CALD1: variants seen among roughly 807,000 people sequenced by gnomAD.
CALD1 encodes caldesmon 1.
In CALD1, 33 loss-of-function variants were observed where a neutral mutation model predicts 99.9. The observed-to-expected ratio is 0.33, with a 90% confidence interval of 0.25 to 0.44. CALD1 has a LOEUF of 0.44. CALD1 is among the 20% of genes least tolerant of loss of function. CALD1 has a pLI of 1.00. For missense variants in CALD1, 861 were observed against 962.1 expected (o/e 0.89, Z 1.39); for synonymous variants, 310 against 325.0 (o/e 0.95, Z 0.50).
At chr7:134,770,606 A>C (rs1273353582) in intron 1 of CALD1, among the ~76,000 whole-genome samples, 3 of 152,124 alleles carry the variant, frequency 2.0e-5, no homozygotes, top group Non-Finnish European at 4.4e-5. Context: ...TTTTCTTATA[A>C]GGCCACTTAT....
intron 1 of CALD1, among the ~76,000 whole-genome samples, chr7:134,803,391 C>T (rs1350644249): frequency 1.3e-5 from 2 of 151,798 alleles, no homozygotes; most frequent in African/African-American, 4.8e-5. Flanking sequence ...AATGAAATCC[C>T]ATTTATCATT....
rs891596945 is a variant in CALD1 at position 134,766,148 on chromosome 7, T to C, written c.-130+21785T>C. Among the ~76,000 whole-genome samples the C allele has an allele frequency of 2.9e-3, 364 of 125,152 alleles. 2 individuals carry two copies. The highest frequency in any genetic ancestry group is 0.011 in the African/African-American group (344 of 30,474). 82.1% of individuals were successfully genotyped at this position (125,152 alleles called of 152,430 possible). On this transcript the variant is annotated intron_variant, in intron 1 of 13. Transcript: ENST00000417172. ...TTAAACCTCTTTTCTTTTCTTTTTTTTTTTTTTTTTTTTTTTTTTTTGAGA... is the reference window on the plus strand; with the variant it reads ...TTAAACCTCTTTTCTTTTCTTTTTTCTTTTTTTTTTTTTTTTTTTTTGAGA...
intron 3 of CALD1, among the ~76,000 whole-genome samples, chr7:134,871,662 G>T (rs1467338747): frequency 6.6e-6 from 1 of 152,190 alleles, no homozygotes. Context: ...CAGTGTGGGG[G>T]ATGGGGTATA....
At chr7:134,794,413 C>T (rs1055798765) in intron 1 of CALD1, among the ~76,000 whole-genome samples, 15 of 152,202 alleles carry the variant, frequency 9.9e-5, no homozygotes, top group African/African-American at 3.6e-4. Context: ...TTTGTTATGA[C>T]TTCAGTAATC....
In CALD1 at chr7:134,781,861, A is replaced by G. The variant is rs151134738; in HGVS notation, c.-130+2112A>G. Among the ~76,000 whole-genome samples the G allele has an allele frequency of 4.2e-3, 635 of 152,370 alleles. 6 individuals are homozygous for G. The highest frequency in any genetic ancestry group is 0.014 in the African/African-American group (597 of 41,596). On this transcript the variant is annotated intron_variant, in intron 1 of 14. Transcript: ENST00000361675. The stretch of plus-strand genomic sequence containing the variant: ...GAGAACCAGGCTCAAACTGCAGTTT[A>G]AAGGATTTTAAATGAGATACATGAA...
At chr7:134,754,856 G>A (rs1372241401) in intron 1 of CALD1, among the ~76,000 whole-genome samples, 2 of 152,028 alleles carry the variant, frequency 1.3e-5, no homozygotes, top group African/African-American at 4.8e-5. Flanking sequence ...CTTTAGAGAC[G>A]ATCAGGAAAA....
chr7:134,939,889 G>A (rs564353564), intron 6 of CALD1, among the ~76,000 whole-genome samples: 9 of 152,188 alleles, frequency 5.9e-5, no homozygotes, highest in African/African-American at 1.9e-4. Context: ...CCTTGAACCC[G>A]GGAGGTGGAA....
Position 134,763,790 on chromosome 7 carries a change from C to T in CALD1, c.-130+19427C>T, listed in dbSNP as rs537241055. 2.6e-5 allele frequency among the ~76,000 whole-genome samples: 4 copies of T among 151,938 alleles called. No individual in the cohort carries two copies. The South Asian group carries it at 8.3e-4, about 32-fold the overall frequency. ...AAAATTAGCTGGATGTGGTGGCAGG[C>T]ACCTGTAATCCCAGCTACTCAGGAG... On this transcript the variant is annotated intron_variant, in intron 1 of 13. Transcript: ENST00000417172.
chr7:134,877,342 T>C (rs1319479417), intron 3 of CALD1, among the ~76,000 whole-genome samples: 1 of 152,230 alleles, frequency 6.6e-6, no homozygotes, highest in African/African-American at 2.4e-5. Context: ...ATGGGAGAAT[T>C]ATGGATATAA....
chr7:134,810,152 T>A (rs1798300714), intron 1 of CALD1, among the ~76,000 whole-genome samples: 1 of 152,200 alleles, frequency 6.6e-6, no homozygotes, highest in African/African-American at 2.4e-5. Context: ...AGTGAACATA[T>A]TGGGACTAGT....
At chr7:134,824,126 C>A (rs988528844) in intron 1 of CALD1, among the ~76,000 whole-genome samples, 15 of 152,264 alleles carry the variant, frequency 9.9e-5, no homozygotes, top group African/African-American at 2.9e-4. Context: ...TAATTTTTCA[C>A]AGTCTTGAAC....
chr7:134,731,454 A>G, the CALD1 span, among the ~76,000 whole-genome samples: 669 of 152,286 alleles, frequency 4.4e-3, 4 homozygotes, highest in African/African-American at 0.015. Flanking sequence ...TGAATGCTCC[A>G]TAATAATATT....
At chr7:134,896,265 C>T (rs1318484000) in intron 3 of CALD1, among the ~76,000 whole-genome samples, 1 of 152,180 alleles carries the variant, frequency 6.6e-6, no homozygotes, top group Non-Finnish European at 1.5e-5. Context: ...TAAATTTTGC[C>T]TTTCTGAGAA....
chr7:134,750,498 C>A (rs1308924771), intron 1 of CALD1, among the ~76,000 whole-genome samples: 1 of 152,172 alleles, frequency 6.6e-6, no homozygotes, highest in Non-Finnish European at 1.5e-5. Flanking sequence ...TTTCTAGGTA[C>A]CTTCTTTTGG....
At chr7:134,851,420 C>T (rs1371106241) in intron 2 of CALD1, among the ~76,000 whole-genome samples, 1 of 152,106 alleles carries the variant, frequency 6.6e-6, no homozygotes, top group Non-Finnish European at 1.5e-5. Context: ...TGTTTCTAAA[C>T]TAGAGGTCTC....
At chr7:134,898,221 G>A (rs577135936) in intron 3 of CALD1, among the ~76,000 whole-genome samples, 5 of 152,366 alleles carry the variant, frequency 3.3e-5, no homozygotes, top group Admixed American at 2.0e-4. Context: ...CTATGAAGTG[G>A]AGATGCTGAT....
At chr7:134,895,414 G>T (rs1003170485) in intron 3 of CALD1, among the ~76,000 whole-genome samples, 2 of 150,514 alleles carry the variant, frequency 1.3e-5, no homozygotes, top group African/African-American at 4.9e-5. Context: ...TTTTCAAATT[G>T]CTAGGAGCTG....
At chr7:134,792,181 GAGGGA>G (rs1797561483) in intron 1 of CALD1, among the ~76,000 whole-genome samples, 1 of 152,098 alleles carries the variant, frequency 6.6e-6, no homozygotes, top group South Asian at 2.1e-4. Flanking sequence ...CAAGGGCTGT[GAGGGA>G]AGTCTCTGTT....
intron 1 of CALD1, among the ~76,000 whole-genome samples, chr7:134,761,003 T>G (rs758621671): frequency 3.9e-5 from 6 of 152,108 alleles, no homozygotes; most frequent in African/African-American, 1.4e-4. Flanking sequence ...GGAGGCCTCT[T>G]AGAGAACAGG....
Sources: gnomAD v4.1 joint callset for allele counts (sites outside exome capture counted in the v4.1 genomes callset) on GRCh38, gnomAD v4.1.1 for gene constraint, MANE v1.5 for transcripts, NCBI Gene and HGNC (gene_info 2026-07-23, HGNC 2026-07-21) for gene names.